Variants in DIP2B observed in about 807,000 individuals in gnomAD.
DIP2B encodes the protein DIP2 acetate--CoA ligase B (putative), also known as disco-interacting protein 2 homolog B.
In DIP2B, 76 loss-of-function variants were observed where a neutral mutation model predicts 198.0. That is an observed-to-expected ratio of 0.38 (90% CI 0.32 to 0.46). The LOEUF is 0.46. DIP2B is among the 20% of genes least tolerant of loss of function. DIP2B has a pLI of 0.99. For missense variants in DIP2B, 1,559 were observed against 1,978.4 expected (o/e 0.79, Z 4.02); for synonymous variants, 701 against 739.1 (o/e 0.95, Z 0.84).
chr12:50,698,251 A>G, intron 17 of DIP2B, 77 bp from the exon 18 acceptor site: 2 of 1,512,834 alleles, frequency 1.3e-6, no homozygotes, highest in South Asian at 2.7e-5. Context: ...AGCCAGAGGA[A>G]ATTTGTCTTC....
chr12:50,716,786 C>G (rs763716643), intron 23 of DIP2B, among the ~76,000 whole-genome samples: 2 of 151,990 alleles, frequency 1.3e-5, no homozygotes, highest in Middle Eastern at 3.2e-3. Flanking sequence ...ATCTTTTTGC[C>G]ATCTTCTTAG....
intron 20 of DIP2B, among the ~76,000 whole-genome samples, chr12:50,704,524 C>G (rs1052766825): frequency 6.6e-6 from 1 of 152,114 alleles, no homozygotes; most frequent in Non-Finnish European, 1.5e-5. Flanking sequence ...CTATCTCGCT[C>G]TGATTTGATT....
At chr12:50,648,139 C>G (rs1938383355) in intron 3 of DIP2B, among the ~76,000 whole-genome samples, 1 of 151,588 alleles carries the variant, frequency 6.6e-6, no homozygotes, top group Non-Finnish European at 1.5e-5. Flanking sequence ...CAAACAAAAA[C>G]CAAAAGAATA....
At chr12:50,607,706 T>C (rs1209945018) in intron 1 of DIP2B, among the ~76,000 whole-genome samples, 2 of 152,264 alleles carry the variant, frequency 1.3e-5, no homozygotes, top group African/African-American at 4.8e-5. Context: ...AAATTACTAA[T>C]AGCTGTAGTA....
At position 50,680,769 on chromosome 12, in the gene DIP2B, T is replaced by C; in HGVS notation, c.1206+6T>C. The C allele has an allele frequency of 6.2e-7, 1 of 1,612,958 alleles. No homozygotes were observed. Among genetic ancestry groups the C allele is most frequent in the Non-Finnish European group, 8.5e-7 (1 of 1,179,620 alleles). ...TGTTAAAACCTGGAGACAGGGTAAT[T>C]GGTGTGATTTTGGTTTTAGGGAGGT... On this transcript the variant is annotated splice_donor_region_variant and intron_variant, in intron 9 of 37. Coordinates refer to ENST00000301180, the MANE Select transcript of DIP2B (RefSeq NM_173602.3).
rs34202995 is a variant in DIP2B, at chr12:50,537,114, A to ATT, written c.100+31900_100+31901dup. 9.5e-3 allele frequency among the ~76,000 whole-genome samples: 307 copies of ATT among 32,214 alleles called. 90 individuals carry two copies. The highest frequency in any genetic ancestry group is 0.043 in the East Asian group (20 of 464). 21.1% of individuals were successfully genotyped at this position (32,214 alleles called of 152,430 possible). A position where few individuals can be genotyped will look rare whatever the true frequency, so the allele number is the denominator to read the frequency against. ...CAGATTGCTTGTTTATTATTCTCTA[A>ATT]TTTTTTTTTTTTTTTTTTTTTTTTT... On this transcript the variant is annotated intron_variant, in intron 1 of 37. Coordinates refer to ENST00000301180, the MANE Select transcript of DIP2B (RefSeq NM_173602.3).
intron 1 of DIP2B, among the ~76,000 whole-genome samples, chr12:50,522,466 C>A (rs897724261): frequency 3.3e-5 from 5 of 152,174 alleles, no homozygotes; most frequent in African/African-American, 1.2e-4. Context: ...CGCACACATA[C>A]ATACACACAC....
chr12:50,535,901 A>C (rs1391525361), intron 1 of DIP2B, among the ~76,000 whole-genome samples: 1 of 122,776 alleles, frequency 8.1e-6, no homozygotes, highest in East Asian at 2.6e-4. Flanking sequence ...TCCTGTGTCC[A>C]TGTGTTCTCA....
At chr12:50,712,160 C>T (rs534163173) in intron 22 of DIP2B, among the ~76,000 whole-genome samples, 1 of 152,126 alleles carries the variant, frequency 6.6e-6, no homozygotes, top group African/African-American at 2.4e-5. Flanking sequence ...AGAGCAAGAC[C>T]CTGTCATTCA....
At chr12:50,634,009 G>T (rs563236263) in intron 2 of DIP2B, among the ~76,000 whole-genome samples, 1 of 152,052 alleles carries the variant, frequency 6.6e-6, no homozygotes, top group East Asian at 1.9e-4. Context: ...TCCTCAAAAC[G>T]CTCCGACTTT....
intron 30 of DIP2B, among the ~76,000 whole-genome samples, chr12:50,729,562 A>G (rs1334886354): frequency 5.3e-5 from 8 of 152,166 alleles, no homozygotes; most frequent in African/African-American, 1.9e-4. Context: ...GTATGAGCCA[A>G]GAGTTTAAGC....
At position 50,655,679 on chromosome 12, in the gene DIP2B, A is replaced by G. The variant is rs182090717; in HGVS notation, c.302-4515A>G. On this transcript the variant is annotated intron_variant, in intron 3 of 37. Transcript: ENST00000301180. The stretch of plus-strand genomic sequence containing the variant: ...GTTAGAAGATTTATTTTTCATATTG[A>G]CGTAAGATAGCAATTTTTGGCTGGG... Among the ~76,000 whole-genome samples the G allele has an allele frequency of 2.6e-5, 4 of 152,354 alleles. No homozygotes were observed. In the East Asian group the frequency reaches 7.7e-4, roughly 29 times the overall value.
intron 1 of DIP2B, among the ~76,000 whole-genome samples, chr12:50,601,454 C>T (rs569101896): frequency 2.0e-5 from 3 of 151,902 alleles, no homozygotes; most frequent in Non-Finnish European, 2.9e-5. Flanking sequence ...ACGCCATTCT[C>T]CTGCCTCAGC....
intron 1 of DIP2B, among the ~76,000 whole-genome samples, chr12:50,541,194 C>G (rs1958322193): frequency 6.6e-6 from 1 of 152,128 alleles, no homozygotes; most frequent in South Asian, 2.1e-4. Context: ...TTTGTAGAAT[C>G]ATTGACAAGG....
intron 1 of DIP2B, among the ~76,000 whole-genome samples, chr12:50,578,470 A>G (rs892191934): frequency 4.6e-5 from 7 of 151,094 alleles, no homozygotes; most frequent in Admixed American, 6.6e-5. Flanking sequence ...GCCCTAAACA[A>G]TATTTCAATA....
chr12:50,744,930 A>G lies in DIP2B; in HGVS notation c.*91A>G. On this transcript the variant is annotated 3_prime_UTR_variant, in exon 38 of 38. Transcript: ENST00000301180. ...GAGCAGGCTTCAAACGATGTGAAAT[A>G]AGCTGAGATGGCTACATGATATTCT... The G allele has an allele frequency of 6.9e-7, 1 of 1,445,856 alleles. No individual in the cohort carries two copies. Among genetic ancestry groups the G allele is most frequent in the South Asian group, 1.3e-5 (1 of 77,224 alleles). The allele number at this position is 1,445,856 out of a possible 1,614,324, so 89.6% of individuals were successfully genotyped here. A position where few individuals can be genotyped will look rare whatever the true frequency, so the allele number is the denominator to read the frequency against.
intron 36 of DIP2B, 77 bp downstream of exon 36, chr12:50,739,663 G>A: frequency 1.9e-6 from 3 of 1,550,098 alleles, no homozygotes; most frequent in East Asian, 2.3e-5. Context: ...GCCTGCGTTG[G>A]ATTGTGGAGT....
chr12:50,607,544 A>T (rs939762342), intron 1 of DIP2B, among the ~76,000 whole-genome samples: 1 of 152,194 alleles, frequency 6.6e-6, no homozygotes. Flanking sequence ...TCTACTACTG[A>T]AAAGAAGGCC....
intron 22 of DIP2B, 28 bp from the exon 23 acceptor site, chr12:50,714,367 C>G (rs1939674572): frequency 5.6e-6 from 9 of 1,612,944 alleles, no homozygotes; most frequent in Non-Finnish European, 7.6e-6. Context: ...AGTGATCTCA[C>G]TGAGTATTTT....
Sources: gnomAD v4.1 joint callset for allele counts (sites outside exome capture counted in the v4.1 genomes callset) on GRCh38, gnomAD v4.1.1 for gene constraint, MANE v1.5 for transcripts, NCBI Gene and HGNC (gene_info 2026-07-23, HGNC 2026-07-21) for gene names.